The following MBOAT1 variants were observed in gnomAD, a reference collection of about 807,000 sequenced individuals.
MBOAT1 encodes membrane bound glycerophospholipid O-acyltransferase 1, also known as membrane-bound glycerophospholipid O-acyltransferase 1.
A neutral mutation model predicts 64.4 loss-of-function variants in MBOAT1; 67 were observed. That is an observed-to-expected ratio of 1.04 (90% CI 0.85 to 1.27). The LOEUF (loss-of-function observed/expected upper bound fraction) is 1.27, where lower values mean the gene tolerates loss of function less well. Ranked by LOEUF, MBOAT1 falls within the 50% of genes most tolerant of loss-of-function variation. MBOAT1 has a pLI of 0.00. For synonymous variants in MBOAT1, 229 were observed against 218.9 expected, an observed-to-expected ratio of 1.05 and a Z score of -0.41; for missense variants, 563 against 604.6, an observed-to-expected ratio of 0.93 and a Z score of 0.72.
At chr6:20,119,073 A>G (rs1163875653) in intron 8 of MBOAT1, among the ~76,000 whole-genome samples, 1 of 152,190 alleles carries the variant, frequency 6.6e-6, no homozygotes, top group African/African-American at 2.4e-5. Context: ...GGACATGTTA[A>G]GCATGACCCG....
chr6:20,109,506 G>A, intron 12 of MBOAT1, 92 bp downstream of exon 12: 1 of 1,480,170 alleles, frequency 6.8e-7, no homozygotes, highest in East Asian at 2.3e-5. Flanking sequence ...GAAGTGTTTA[G>A]GACTGCTTCA....
At chr6:20,211,463 G>A (rs1763415923) in intron 1 of MBOAT1, among the ~76,000 whole-genome samples, 1 of 152,178 alleles carries the variant, frequency 6.6e-6, no homozygotes, top group Non-Finnish European at 1.5e-5. Context: ...AGGAATCACT[G>A]TTGTTGCCAT....
Position 20,203,550 on chromosome 6 carries a change from GTCAT to G in MBOAT1, c.99+8582_99+8585del, listed in dbSNP as rs552803959. 2.6e-5 allele frequency among the ~76,000 whole-genome samples: 4 copies of G among 152,260 alleles called. No homozygotes were observed. In the South Asian group the frequency reaches 8.3e-4, roughly 32 times the overall value. On this transcript the variant is annotated intron_variant, in intron 1 of 12. Transcript: ENST00000324607. The stretch of plus-strand genomic sequence containing the variant: ...TGGCTCCCAATTTTATCTTAATTAA[GTCAT>G]TCATTCCAATCCAAAAATGTAAATA...
At chr6:20,147,601 C>T (rs371683816) in intron 3 of MBOAT1, among the ~76,000 whole-genome samples, 103 of 151,096 alleles carry the variant, frequency 6.8e-4, no homozygotes, top group African/African-American at 2.2e-3. Context: ...ATTGCGCCAT[C>T]GCACTCCAGA....
Position 20,109,747 on chromosome 6 carries a change from G to T in MBOAT1, c.1212C>A (p.Val404=). The T allele has an allele frequency of 6.2e-7, 1 of 1,612,980 alleles. No individual in the cohort carries two copies. Among genetic ancestry groups the T allele is most frequent in the South Asian group, 1.1e-5 (1 of 91,020 alleles). Residue 404 remains valine, a splice_region_variant and synonymous_variant, in exon 12 of 13, where the codon GTC becomes GTA. Transcript: ENST00000324607. ...GILVTLAARA[V]RNNYRHYFLS... ...GGAAGTAATGTCTGTAGTTGTTCCT[G>T]ACCTGCAGGCCAACACAGGCAACAG...
At chr6:20,147,633 C>T (rs373489223) in intron 3 of MBOAT1, among the ~76,000 whole-genome samples, 77 of 147,560 alleles carry the variant, frequency 5.2e-4, no homozygotes, top group African/African-American at 1.8e-3. Flanking sequence ...GAGCAAACTC[C>T]GTCTCAAAAA....
At chr6:20,144,811 GT>G (rs1196230342) in intron 3 of MBOAT1, among the ~76,000 whole-genome samples, 1 of 151,996 alleles carries the variant, frequency 6.6e-6, no homozygotes, top group African/African-American at 2.4e-5. Context: ...CACCTCTCTG[GT>G]TAATTCCTCC....
intron 1 of MBOAT1, among the ~76,000 whole-genome samples, chr6:20,201,656 G>C (rs1763126933): frequency 6.6e-6 from 1 of 150,400 alleles, no homozygotes; most frequent in Non-Finnish European, 1.5e-5. Context: ...TCTCAGCTCA[G>C]TGCAACCTCC....
rs1759773588 is a variant in MBOAT1 at position 20,101,071 on chromosome 6, TA to T, written c.*1214del. ...GTACATCACGGCCAGCCATGATCAT[TA>T]ACACCTCCATGAAATGAGGGAGAAA... On this transcript the variant is annotated 3_prime_UTR_variant, in exon 13 of 13. Transcript: ENST00000324607. 6.6e-6 allele frequency among the ~76,000 whole-genome samples: 1 copy of T among 152,146 alleles called. No homozygotes were observed. Among genetic ancestry groups the T allele is most frequent in the African/African-American group, 2.4e-5 (1 of 41,426 alleles).
chr6:20,207,496 A>G (rs1273727837), intron 1 of MBOAT1, among the ~76,000 whole-genome samples: 1 of 152,230 alleles, frequency 6.6e-6, no homozygotes, highest in African/African-American at 2.4e-5. Context: ...AGATACGATT[A>G]TCATGCCAAA....
intron 4 of MBOAT1, among the ~76,000 whole-genome samples, chr6:20,138,529 C>G (rs1308496113): frequency 6.6e-6 from 1 of 152,242 alleles, no homozygotes; most frequent in Non-Finnish European, 1.5e-5. Flanking sequence ...AAGCACGTGA[C>G]TGTTTTCCAC....
At chr6:20,112,730 G>A in intron 11 of MBOAT1, 146 bp downstream of exon 11, 1 of 821,018 alleles carries the variant, frequency 1.2e-6, no homozygotes, top group Non-Finnish European at 1.9e-6. Context: ...TCTCTAATGG[G>A]AAGACTCTTG....
chr6:20,144,426 C>T, intron 3 of MBOAT1, 111 bp from the exon 4 acceptor site: 2 of 732,182 alleles, frequency 2.7e-6, no homozygotes, highest in East Asian at 2.6e-5. Flanking sequence ...TCACAATGTC[C>T]TATCTGGTCT....
intron 1 of MBOAT1, among the ~76,000 whole-genome samples, chr6:20,198,693 TACTC>T (rs1763033366): frequency 6.6e-6 from 1 of 152,236 alleles, no homozygotes; most frequent in Non-Finnish European, 1.5e-5. Context: ...AGACACATAT[TACTC>T]TAATAAACAT....
chr6:20,124,373 C>G, intron 8 of MBOAT1, 35 bp downstream of exon 8: 1 of 1,584,010 alleles, frequency 6.3e-7, no homozygotes, highest in Non-Finnish European at 8.6e-7. Context: ...TAGCATTTTT[C>G]CCTCATTCAG....
chr6:20,160,430 C>T (rs1052899159), intron 1 of MBOAT1, among the ~76,000 whole-genome samples: 1 of 152,134 alleles, frequency 6.6e-6, no homozygotes, highest in Non-Finnish European at 1.5e-5. Context: ...CTGTCCAGGC[C>T]TGGAATGTCG....
intron 4 of MBOAT1, 44 bp downstream of exon 4, chr6:20,144,153 TTACAGACCCCAAGAGACCAAGTC>T: frequency 9.6e-7 from 1 of 1,039,274 alleles, no homozygotes; most frequent in Non-Finnish European, 1.5e-6. Flanking sequence ...CCCTTGATGT[TTACAGACCCCAAGAGACCAAGTC>T]AAAGTCAGCA....
At chr6:20,147,373 C>T (rs1761356330) in intron 3 of MBOAT1, among the ~76,000 whole-genome samples, 1 of 152,208 alleles carries the variant, frequency 6.6e-6, no homozygotes, top group Admixed American at 6.5e-5. Context: ...GGTGTGATGG[C>T]TCACGCCTGT....
chr6:20,102,589 C>T (rs572139729), intron 12 of MBOAT1, among the ~76,000 whole-genome samples, 177 bp from the exon 13 acceptor site: 4 of 152,200 alleles, frequency 2.6e-5, no homozygotes, highest in Admixed American at 6.5e-5. Context: ...GGTAGGTGAG[C>T]GGGTCACAGA....
Sources: allele counts gnomAD v4.1 joint callset (sites outside exome capture counted in the v4.1 genomes callset), GRCh38; gene constraint gnomAD v4.1.1; transcripts MANE v1.5; gene names NCBI Gene and HGNC (gene_info 2026-07-23, HGNC 2026-07-21).